Variants in SARNP observed in about 807,000 individuals in gnomAD.
SARNP encodes the protein SAP domain containing ribonucleoprotein, also known as SAP domain-containing ribonucleoprotein.
A neutral mutation model predicts 38.1 loss-of-function variants in SARNP; 5 were observed. That is an observed-to-expected ratio of 0.13 (90% CI 0.07 to 0.28). The LOEUF is 0.28. Among genes scored for constraint, SARNP ranks in the 10% least tolerant of loss-of-function variants. The pLI is 1.00. For synonymous variants in SARNP, 84 were observed against 80.6 expected, an observed-to-expected ratio of 1.04 and a Z score of -0.23; for missense variants, 180 against 243.9, an observed-to-expected ratio of 0.74 and a Z score of 1.75.
intron 7 of SARNP, chr12:55,794,155 A>C (rs1879753276): frequency 3.6e-6 from 2 of 560,352 alleles, no homozygotes; most frequent in South Asian, 4.3e-5. Context: ...GGCACTTCCT[A>C]TCCTCTCATA....
intron 9 of SARNP, among the ~76,000 whole-genome samples, chr12:55,775,031 T>C (rs1006082666): frequency 8.6e-5 from 13 of 150,970 alleles, no homozygotes; most frequent in African/African-American, 3.2e-4. Flanking sequence ...GGATTACAAG[T>C]GTGTGCCACC....
chr12:55,787,046 C>G (rs774636625), intron 9 of SARNP, among the ~76,000 whole-genome samples: 43 of 151,678 alleles, frequency 2.8e-4, no homozygotes, highest in Non-Finnish European at 4.7e-4. Flanking sequence ...CTGGGCAACA[C>G]AGAGAGACCT....
chr12:55,778,272 G>A (rs553101556), intron 9 of SARNP, among the ~76,000 whole-genome samples: 110 of 152,100 alleles, frequency 7.2e-4, no homozygotes, highest in Admixed American at 5.2e-3. Context: ...TCAGCCTCCC[G>A]AGTAGTTGGG....
rs753183788 is a variant in SARNP, at chr12:55,757,445, A to G, written c.*67T>C. On this transcript the variant is annotated 3_prime_UTR_variant, in exon 11 of 11. Coordinates refer to ENST00000336133, the MANE Select transcript of SARNP (RefSeq NM_033082.4). ...GGCACATGACTGTGCATTTAGGCAT[A>G]TATGTGACCAAGAAGAAGGAGAGAA... 7.1e-7 allele frequency: 1 copy of G among 1,409,938 alleles called. No homozygotes were observed. The highest frequency in any genetic ancestry group is 9.9e-7 in the Non-Finnish European group (1 of 1,013,972). 87.3% of individuals were successfully genotyped at this position (1,409,938 alleles called of 1,614,324 possible).
chr12:55,763,457 G>A (rs780518441), intron 9 of SARNP, among the ~76,000 whole-genome samples: 48 of 151,854 alleles, frequency 3.2e-4, no homozygotes, highest in South Asian at 2.1e-4. Context: ...GACTACATGC[G>A]CACGCCACCA....
intron 4 of SARNP, among the ~76,000 whole-genome samples, chr12:55,799,426 C>T (rs755114635): frequency 1.3e-5 from 2 of 152,132 alleles, no homozygotes; most frequent in Non-Finnish European, 2.9e-5. Context: ...GATCTACTTT[C>T]CATTCTAGCA....
At chr12:55,781,489 G>A (rs1879338036) in intron 9 of SARNP, among the ~76,000 whole-genome samples, 1 of 150,160 alleles carries the variant, frequency 6.7e-6, no homozygotes, top group African/African-American at 2.5e-5. Flanking sequence ...AGCTGAGATT[G>A]CGCTGCTCCA....
intron 8 of SARNP, 95 bp downstream of exon 8, chr12:55,790,472 T>C (rs1879632448): frequency 7.5e-7 from 1 of 1,328,954 alleles, no homozygotes; most frequent in South Asian, 1.4e-5. Flanking sequence ...ATTAATGTTC[T>C]CAGAGTTTCC....
chr12:55,817,517 G>GT, intron 1 of SARNP, 149 bp downstream of exon 1: 1 of 680,124 alleles, frequency 1.5e-6, no homozygotes, highest in Non-Finnish European at 2.6e-6. Flanking sequence ...AAGGCGTAGT[G>GT]TGGAAGGGTG....
intron 1 of SARNP, among the ~76,000 whole-genome samples, chr12:55,808,131 G>A (rs936754598): frequency 1.1e-4 from 16 of 152,136 alleles, no homozygotes; most frequent in Admixed American, 7.2e-4. Context: ...TTGTTATATA[G>A]TGAGTTCTTC....
intron 9 of SARNP, among the ~76,000 whole-genome samples, chr12:55,774,832 T>A (rs959711176): frequency 4.0e-5 from 6 of 151,684 alleles, no homozygotes; most frequent in African/African-American, 1.2e-4. Context: ...CCAGATTTAA[T>A]ATTTGTTACA....
At chr12:55,776,408 TGA>T (rs2136187213) in intron 9 of SARNP, among the ~76,000 whole-genome samples, 2 of 152,212 alleles carry the variant, frequency 1.3e-5, no homozygotes, top group African/African-American at 4.8e-5. Flanking sequence ...ACTCTATAAG[TGA>T]GACCACATCT....
intron 3 of SARNP, 88 bp from the exon 4 acceptor site, chr12:55,800,717 A>C: frequency 1.5e-6 from 2 of 1,300,824 alleles, no homozygotes; most frequent in Non-Finnish European, 2.2e-6. Flanking sequence ...AAAATAAACC[A>C]GTCTCTCAGA....
chr12:55,768,112 C>CCT (rs995850523), intron 9 of SARNP, among the ~76,000 whole-genome samples: 8 of 150,832 alleles, frequency 5.3e-5, no homozygotes, highest in Admixed American at 1.3e-4. Context: ...TCCTTCCCTC[C>CCT]CTCTCTCTCT....
At chr12:55,789,288 CA>C (rs1405434061) in intron 8 of SARNP, 145 bp from the exon 9 acceptor site, 1 of 589,654 alleles carries the variant, frequency 1.7e-6, no homozygotes, top group African/African-American at 1.9e-5. Flanking sequence ...AACTAAGCAG[CA>C]ACCATCCAGT....
chr12:55,758,572 G>C (rs542869620), intron 10 of SARNP, among the ~76,000 whole-genome samples: 178 of 152,234 alleles, frequency 1.2e-3, no homozygotes, highest in African/African-American at 3.9e-3. Context: ...TTGAACCCGG[G>C]AGGCGGAGGT....
intron 4 of SARNP, among the ~76,000 whole-genome samples, chr12:55,799,668 C>T (rs554696564): frequency 1.3e-5 from 2 of 148,618 alleles, no homozygotes; most frequent in Non-Finnish European, 3.0e-5. Context: ...ATTCTCCTGC[C>T]TCAGCCTCCC....
chr12:55,758,072 A>T (rs1878567089), intron 10 of SARNP, among the ~76,000 whole-genome samples: 1 of 152,230 alleles, frequency 6.6e-6, no homozygotes, highest in Admixed American at 6.5e-5. Context: ...TTTGATGCCA[A>T]CAGAACGAAT....
At chr12:55,755,020 G>T (rs1592549552), downstream of SARNP, 1 of 152,324 alleles carries the variant, frequency 6.6e-6, no homozygotes, top group East Asian at 1.9e-4. Flanking sequence ...TGTGAAACCT[G>T]TAATTTTAAA....
Sources: gnomAD v4.1 joint callset for allele counts (sites outside exome capture counted in the v4.1 genomes callset) on GRCh38, gnomAD v4.1.1 for gene constraint, MANE v1.5 for transcripts, NCBI Gene and HGNC (gene_info 2026-07-23, HGNC 2026-07-21) for gene names.